Variants in CHD7 observed in about 807,000 individuals in gnomAD.
CHD7 encodes the protein ATP-dependent chromatin remodeler CHD7.
CHD7 carries 24 observed loss-of-function variants against 307.3 expected under a neutral mutation model. The observed-to-expected ratio is 0.08, with a 90% confidence interval of 0.06 to 0.11. The LOEUF is 0.11. Among genes scored for constraint, CHD7 ranks in the 10% least tolerant of loss-of-function variants. The probability of loss-of-function intolerance (pLI) is 1.00; values close to 1 mark genes in which losing one functional copy is unlikely to be tolerated. For missense variants in CHD7, 3,106 were observed against 3,727.1 expected (o/e 0.83, Z 4.34); for synonymous variants, 1,363 against 1,349.9 (o/e 1.01, Z -0.21).
chr8:60,742,012 G>T lies in CHD7; in HGVS notation c.580G>T (p.Ala194Ser). ...CATGCAGCAGATGGGCAGCTATATG[G>T]CACGTGGGGATTTTTCCATGCAGCA... ...QHMQQMGSYMARGDFSMQQHG... is the reference protein window; with the variant it reads ...QHMQQMGSYMSRGDFSMQQHG... The change falls in exon 2 of 38, where the codon GCA (alanine) becomes TCA (serine). Residue 194 changes from alanine (A) to serine (S), a missense_variant. Physicochemically the swap from Ala to Ser is moderately conservative, Grantham distance 99. This residue lies in a region of CHD7 where 998 missense variants were observed against 1,004.5 expected (regional missense o/e 0.99). Coordinates refer to ENST00000423902, the MANE Select transcript of CHD7 (RefSeq NM_017780.4). The T allele has an allele frequency of 6.2e-7, 1 of 1,613,754 alleles. No homozygotes were observed. Among genetic ancestry groups the T allele is most frequent in the Non-Finnish European group, 8.5e-7 (1 of 1,179,876 alleles).
rs527378833 is a variant in CHD7, at chr8:60,741,569, G to T, written c.137G>T (p.Gly46Val). 1.2e-6 allele frequency: 2 copies of T among 1,613,622 alleles called. No homozygotes were observed. The highest frequency in any genetic ancestry group is 4.5e-5 in the East Asian group (2 of 44,882). ...PMGQQMPIDQ[G>V]FASLQPSLHH... ...GGTCAGCAAATGCCAATAGACCAAGGCTTTGCCTCTTTACAGCCATCCCTT... is the reference window on the plus strand; with the variant it reads ...GGTCAGCAAATGCCAATAGACCAAGTCTTTGCCTCTTTACAGCCATCCCTT... Residue 46 changes from glycine (G) to valine (V), a missense_variant, in exon 2 of 38, where the codon GGC becomes GTC. By Grantham distance (109) the Gly-to-Val change is moderately radical. Coordinates refer to ENST00000423902, the MANE Select transcript of CHD7 (RefSeq NM_017780.4).
At chr8:60,864,728 C>A in intron 37 of CHD7, 2 of 398,276 alleles carry the variant, frequency 5.0e-6, no homozygotes, top group East Asian at 5.0e-5. Flanking sequence ...TTTTGTACCC[C>A]ATAATGTACT....
intron 8 of CHD7, among the ~76,000 whole-genome samples, chr8:60,819,487 A>C (rs1803918304): frequency 6.6e-6 from 1 of 152,244 alleles, no homozygotes; most frequent in Non-Finnish European, 1.5e-5. Flanking sequence ...ATATTGGTTG[A>C]CAAATACTAC....
chr8:60,717,493 C>A (rs1397644942), intron 1 of CHD7, among the ~76,000 whole-genome samples: 2 of 152,144 alleles, frequency 1.3e-5, no homozygotes, highest in African/African-American at 2.4e-5. Flanking sequence ...ACCCTAGTTT[C>A]TTTACTGTTA....
At chr8:60,851,220 A>C in intron 27 of CHD7, 42 bp from the exon 28 acceptor site, 1 of 1,529,872 alleles carries the variant, frequency 6.5e-7, no homozygotes. Flanking sequence ...GAAAAATGAG[A>C]CCCCAAATTA....
chr8:60,698,640 A>G (rs912155953), intron 1 of CHD7, among the ~76,000 whole-genome samples: 1 of 152,184 alleles, frequency 6.6e-6, no homozygotes, highest in Non-Finnish European at 1.5e-5. Flanking sequence ...CATATTTTAT[A>G]CCAAACATTC....
chr8:60,721,941 C>T (rs1807929944), intron 1 of CHD7, among the ~76,000 whole-genome samples: 1 of 152,180 alleles, frequency 6.6e-6, no homozygotes, highest in Non-Finnish European at 1.5e-5. Context: ...TTTAGGTCCT[C>T]CTGCTCTTCA....
At chr8:60,808,605 T>G in intron 7 of CHD7, 1 of 296,658 alleles carries the variant, frequency 3.4e-6, no homozygotes, top group South Asian at 3.5e-5. Flanking sequence ...GGGCTACACT[T>G]CGTCCCTTCA....
chr8:60,847,678 C>A (rs866751606), intron 23 of CHD7, among the ~76,000 whole-genome samples: 1 of 152,096 alleles, frequency 6.6e-6, no homozygotes, highest in South Asian at 2.1e-4. Flanking sequence ...TTGGGACTTA[C>A]CAGGTGGACT....
At chr8:60,831,235 G>A (rs749782412) in intron 15 of CHD7, among the ~76,000 whole-genome samples, 3 of 152,100 alleles carry the variant, frequency 2.0e-5, no homozygotes, top group Non-Finnish European at 4.4e-5. Flanking sequence ...AAATAAGAAG[G>A]GAGCATTCGC....
chr8:60,831,323 G>T (rs947853838), intron 15 of CHD7, among the ~76,000 whole-genome samples: 1 of 152,126 alleles, frequency 6.6e-6, no homozygotes, highest in Non-Finnish European at 1.5e-5. Flanking sequence ...AGGCAAGTCT[G>T]CAGGGGTAGA....
intron 1 of CHD7, among the ~76,000 whole-genome samples, chr8:60,718,613 A>G (rs182396905): frequency 4.6e-5 from 7 of 152,380 alleles, no homozygotes; most frequent in Admixed American, 2.0e-4. Context: ...TCGTCTTTTA[A>G]GTTGTAAAAG....
chr8:60,822,039 G>A lies in CHD7; in HGVS notation c.2851G>A (p.Asp951Asn), dbSNP rs1804066883. 6.2e-7 allele frequency: 1 copy of A among 1,613,860 alleles called. No individual in the cohort carries two copies. The highest frequency in any genetic ancestry group is 8.5e-7 in the Non-Finnish European group (1 of 1,179,822). ...TTTGAAACAGGAGCGACCTCCTGCT[G>A]ATGATTGGAAGAAATCGGAGAGTTC... ...ETERVERPPA[D>N]DWKKSESSRE... The change falls in exon 11 of 38, where the codon GAT (aspartate) becomes AAT (asparagine). Residue 951 changes from aspartate (D) to asparagine (N), a missense_variant. Around this residue, in one of 10 missense-constraint regions of CHD7, gnomAD observed 188 missense variants for 261.7 expected, o/e 0.72. Transcript: ENST00000423902.
chr8:60,766,968 G>A (rs947575675), intron 2 of CHD7, among the ~76,000 whole-genome samples: 4 of 152,194 alleles, frequency 2.6e-5, no homozygotes, highest in South Asian at 2.1e-4. Flanking sequence ...ATCCAAACTC[G>A]GAGGCCTGGA....
chr8:60,720,332 T>C (rs1231502845), intron 1 of CHD7, among the ~76,000 whole-genome samples: 2 of 152,214 alleles, frequency 1.3e-5, no homozygotes, highest in African/African-American at 4.8e-5. Flanking sequence ...TCACAGACTA[T>C]GTTCATTTTA....
rs1231114910 is a variant in CHD7 at position 60,822,275 on chromosome 8, A to G, written c.2957+130A>G. The G allele has an allele frequency of 2.7e-5, 20 of 746,914 alleles. 1 individual carries two copies. The highest frequency in any genetic ancestry group is 3.4e-5 in the Non-Finnish European group (17 of 500,344). 46.3% of individuals were successfully genotyped at this position (746,914 alleles called of 1,614,324 possible). On this transcript the variant is annotated intron_variant, in intron 11 of 37. Transcript: ENST00000423902. ...GCTTTTTCAAAAAACAAGCATTGAAAATATATGTAATATTTAATAAATATT... is the reference window on the plus strand; with the variant it reads ...GCTTTTTCAAAAAACAAGCATTGAAGATATATGTAATATTTAATAAATATT...
intron 35 of CHD7, chr8:60,861,883 A>C (rs2129716278): frequency 5.2e-6 from 1 of 193,614 alleles, no homozygotes; most frequent in Admixed American, 5.7e-5. Context: ...CTAACTAGAA[A>C]TTAGTAAAAG....
At chr8:60,811,505 T>C (rs2150730416) in intron 7 of CHD7, among the ~76,000 whole-genome samples, 1 of 152,348 alleles carries the variant, frequency 6.6e-6, no homozygotes, top group Middle Eastern at 3.4e-3. Flanking sequence ...ATAGGGGTCC[T>C]CCTCATTCTT....
intron 1 of CHD7, among the ~76,000 whole-genome samples, chr8:60,733,237 TA>T (rs11346238): frequency 0.81 from 118,592 of 146,022 alleles, 48,198 homozygotes; most frequent in East Asian, 0.94. Context: ...CCCTGTCTCT[TA>T]AAAAAAAAAA....
Sources: allele counts gnomAD v4.1 joint callset (sites outside exome capture counted in the v4.1 genomes callset), GRCh38; gene constraint gnomAD v4.1.1; regional missense constraint gnomAD v4.1.1; transcripts MANE v1.5; gene names NCBI Gene and HGNC (gene_info 2026-07-23, HGNC 2026-07-21).